The following GLIS3 variants were observed in gnomAD, a reference collection of about 807,000 sequenced individuals.
GLIS3 encodes GLIS family zinc finger 3, also known as zinc finger protein GLIS3.
A neutral mutation model predicts 78.6 loss-of-function variants in GLIS3; 53 were observed. That is an observed-to-expected ratio of 0.67 (90% CI 0.54 to 0.85). GLIS3 has a LOEUF of 0.85. Ranked by LOEUF, GLIS3 falls within the 40% of genes least tolerant of loss-of-function variation. GLIS3 has a pLI of 0.00. For missense variants in GLIS3, 1,703 were observed against 1,231.1 expected, an observed-to-expected ratio of 1.38 and a Z score of -5.74; for synonymous variants, 684 against 509.9, an observed-to-expected ratio of 1.34 and a Z score of -4.60.
At chr9:3,994,607 C>T (rs1004786519) in intron 4 of GLIS3, among the ~76,000 whole-genome samples, 5 of 152,124 alleles carry the variant, frequency 3.3e-5, no homozygotes, top group Non-Finnish European at 7.4e-5. Flanking sequence ...TAAGTATTTA[C>T]ATGGAATTTC....
the GLIS3 span, among the ~76,000 whole-genome samples, chr9:4,403,096 A>G: frequency 6.6e-6 from 1 of 152,230 alleles, no homozygotes; most frequent in East Asian, 1.9e-4. Flanking sequence ...ATAACATGCA[A>G]TGGAAGTCCA....
At chr9:4,387,243 G>A in the GLIS3 span, among the ~76,000 whole-genome samples, 1 of 152,108 alleles carries the variant, frequency 6.6e-6, no homozygotes, top group African/African-American at 2.4e-5. Context: ...ATTTTGGTTT[G>A]GTTTGTTGGG....
At chr9:4,332,400 G>A (rs1271788952) in intron 2 of GLIS3, among the ~76,000 whole-genome samples, 1 of 152,198 alleles carries the variant, frequency 6.6e-6, no homozygotes, top group African/African-American at 2.4e-5. Flanking sequence ...CTGCTCAACT[G>A]GAGACTAACA....
chr9:4,162,588 G>C (rs149431464), intron 2 of GLIS3, among the ~76,000 whole-genome samples: 2 of 152,060 alleles, frequency 1.3e-5, no homozygotes, highest in Admixed American at 6.6e-5. Context: ...GGCCGGGTGC[G>C]GTGGCTCACG....
the GLIS3 span, among the ~76,000 whole-genome samples, chr9:4,408,247 G>C: frequency 1.3e-5 from 2 of 152,028 alleles, no homozygotes; most frequent in African/African-American, 4.8e-5. Flanking sequence ...ATATGACCCA[G>C]CAATCCCACT....
At chr9:3,987,784 A>AAAAAAAAC (rs1554665966) in intron 4 of GLIS3, among the ~76,000 whole-genome samples, 3 of 69,554 alleles carry the variant, frequency 4.3e-5, no homozygotes, top group East Asian at 4.7e-4. Context: ...AAAAAAAAAA[A>AAAAAAAAC]AAAACAAAAC....
intron 9 of GLIS3, among the ~76,000 whole-genome samples, chr9:3,837,160 T>C (rs1231728558): frequency 6.6e-6 from 1 of 152,200 alleles, no homozygotes; most frequent in Non-Finnish European, 1.5e-5. Context: ...AAAAGGTGGC[T>C]ATTTTCAAGA....
At position 4,289,827 on chromosome 9, in the gene GLIS3, C is replaced by G. The variant is rs191579711; in HGVS notation, c.-98-3304G>C. Among the ~76,000 whole-genome samples, 3 of 152,146 alleles carry G rather than the reference C, an allele frequency of 2.0e-5. No individual in the cohort carries two copies. In the East Asian group the frequency reaches 5.8e-4, roughly 29 times the overall value. ...TGAGTCAGCATGAAAGTTAATAAATCTTTCCTTTTGACCACTTTCAAACTC... is the reference window on the plus strand; with the variant it reads ...TGAGTCAGCATGAAAGTTAATAAATGTTTCCTTTTGACCACTTTCAAACTC... On this transcript the variant is annotated intron_variant, in intron 1 of 10. Transcript: ENST00000381971.
At chr9:3,970,714 C>T (rs2218479) in intron 4 of GLIS3, among the ~76,000 whole-genome samples, 2,563 of 152,282 alleles carry the variant, frequency 0.017, 35 homozygotes, top group Middle Eastern at 0.027. Context: ...GTTGATCATA[C>T]ACACAAACCT....
the GLIS3 span, among the ~76,000 whole-genome samples, chr9:4,400,891 T>C: frequency 6.6e-6 from 1 of 152,218 alleles, no homozygotes; most frequent in African/African-American, 2.4e-5. Context: ...AAAGAGCCCT[T>C]GGTCCCTGAA....
the GLIS3 span, among the ~76,000 whole-genome samples, chr9:4,353,663 C>G: frequency 2.6e-5 from 4 of 152,168 alleles, no homozygotes; most frequent in Non-Finnish European, 5.9e-5. Flanking sequence ...AAGCTAGAGT[C>G]TAAGATCATC....
At chr9:4,262,638 G>A (rs948378252) in intron 2 of GLIS3, among the ~76,000 whole-genome samples, 1 of 152,100 alleles carries the variant, frequency 6.6e-6, no homozygotes, top group Non-Finnish European at 1.5e-5. Flanking sequence ...TGAGAAGGTG[G>A]TATTTTTATT....
upstream of GLIS3, among the ~76,000 whole-genome samples, chr9:4,302,381 C>T (rs537486297): frequency 5.9e-5 from 9 of 152,192 alleles, no homozygotes; most frequent in Non-Finnish European, 1.2e-4. Flanking sequence ...CTGCTGCCAG[C>T]TCCAGTCCAG....
chr9:4,022,548 C>T (rs939943502), intron 4 of GLIS3, among the ~76,000 whole-genome samples: 10 of 152,186 alleles, frequency 6.6e-5, no homozygotes, highest in Non-Finnish European at 1.3e-4. Flanking sequence ...TAAGCCTACC[C>T]TATGACCCAG....
chr9:4,216,758 C>A (rs1453768057), intron 2 of GLIS3, among the ~76,000 whole-genome samples: 2 of 152,186 alleles, frequency 1.3e-5, no homozygotes, highest in East Asian at 1.9e-4. Flanking sequence ...TACTAGTAAA[C>A]TTATTCTTAC....
intron 2 of GLIS3, among the ~76,000 whole-genome samples, chr9:4,143,699 T>C (rs1833991634): frequency 6.6e-6 from 1 of 152,232 alleles, no homozygotes; most frequent in Non-Finnish European, 1.5e-5. Context: ...ACACTGAAAC[T>C]TCGTACTCTT....
intron 2 of GLIS3, among the ~76,000 whole-genome samples, chr9:4,241,516 C>G (rs1410109008): frequency 6.6e-6 from 1 of 151,946 alleles, no homozygotes; most frequent in Admixed American, 6.6e-5. Flanking sequence ...CCAACTACAC[C>G]CCAACTACCC....
At chr9:3,880,671 G>C (rs1821669355) in intron 7 of GLIS3, among the ~76,000 whole-genome samples, 1 of 152,124 alleles carries the variant, frequency 6.6e-6, no homozygotes, top group Admixed American at 6.5e-5. Context: ...AAAAGTTCAG[G>C]GAGTTGTATT....
chr9:4,312,225 TG>T (rs1320823230), intron 2 of GLIS3, among the ~76,000 whole-genome samples: 1 of 152,250 alleles, frequency 6.6e-6, no homozygotes, highest in Non-Finnish European at 1.5e-5. Flanking sequence ...CCCAGCATTT[TG>T]GGAGGCCAAG....
Sources: allele counts gnomAD v4.1 joint callset (sites outside exome capture counted in the v4.1 genomes callset), GRCh38; gene constraint gnomAD v4.1.1; transcripts MANE v1.5; gene names NCBI Gene and HGNC (gene_info 2026-07-23, HGNC 2026-07-21).